The following LRRC4C variants were observed in gnomAD, a reference collection of about 807,000 sequenced individuals.
The protein encoded by LRRC4C is leucine rich repeat containing 4C.
LRRC4C carries 5 observed loss-of-function variants against 33.6 expected under a neutral mutation model. The ratio of observed to expected loss-of-function variants is 0.15; its 90% confidence interval spans 0.08 to 0.31. LRRC4C has a LOEUF of 0.31. Ranked by LOEUF, LRRC4C falls within the 10% of genes least tolerant of loss-of-function variation. LRRC4C has a pLI of 1.00. For missense variants in LRRC4C, 560 were observed against 796.7 expected, an observed-to-expected ratio of 0.70 and a Z score of 3.58; for synonymous variants, 329 against 302.0, an observed-to-expected ratio of 1.09 and a Z score of -0.93.
At chr11:40,798,688 G>A (rs1425350347) in intron 2 of LRRC4C, among the ~76,000 whole-genome samples, 1 of 148,338 alleles carries the variant, frequency 6.7e-6, no homozygotes, top group Non-Finnish European at 1.5e-5. Context: ...TTGCTGCCCA[G>A]GCTGGAGTAC....
rs1301725925 is a variant in LRRC4C, at chr11:40,192,276, C to A, written c.-96+49243G>T. ...TTTTCCAGTGAGGTACCTGGTTCAT[C>A]CCACTGGGACGGGTTAGATAGTGGG... On this transcript the variant is annotated intron_variant, in intron 5 of 6. Transcript: ENST00000528697. 1.3e-5 allele frequency among the ~76,000 whole-genome samples: 2 copies of A among 151,996 alleles called. 1 individual carries two copies. Among genetic ancestry groups the A allele is most frequent in the Non-Finnish European group, 2.9e-5 (2 of 68,004 alleles).
intron 2 of LRRC4C, among the ~76,000 whole-genome samples, chr11:40,919,322 CT>C: frequency 6.6e-6 from 1 of 152,196 alleles, no homozygotes; most frequent in East Asian, 1.9e-4. Flanking sequence ...GCATGTAAAT[CT>C]TTTTTAAGCC....
intron 1 of LRRC4C, among the ~76,000 whole-genome samples, chr11:41,411,639 A>G (rs974472204): frequency 2.6e-5 from 4 of 152,226 alleles, no homozygotes; most frequent in African/African-American, 9.6e-5. Flanking sequence ...GTCCTCAAAT[A>G]ACATTGTTTT....
chr11:41,224,161 A>T (rs972100826), intron 1 of LRRC4C, among the ~76,000 whole-genome samples: 3 of 152,218 alleles, frequency 2.0e-5, no homozygotes, highest in Non-Finnish European at 4.4e-5. Context: ...GGATTAAATT[A>T]ATAAGAGAGA....
intron 3 of LRRC4C, among the ~76,000 whole-genome samples, chr11:40,372,443 G>T (rs1948490936): frequency 6.6e-6 from 1 of 152,184 alleles, no homozygotes; most frequent in South Asian, 2.1e-4. Flanking sequence ...ACAGTTCCTT[G>T]CTTTTAAAAG....
At chr11:40,988,713 CTTTTTTT>C (rs869034558) in intron 1 of LRRC4C, among the ~76,000 whole-genome samples, 3 of 57,752 alleles carry the variant, frequency 5.2e-5, no homozygotes, top group Non-Finnish European at 1.2e-4. Flanking sequence ...CTTTTCTTTT[CTTTTTTT>C]TTTTTTTTTT....
intron 2 of LRRC4C, among the ~76,000 whole-genome samples, chr11:40,921,733 C>T (rs77147827): frequency 0.059 from 8,940 of 152,220 alleles, 381 homozygotes; most frequent in Admixed American, 0.15. Flanking sequence ...TCACCTCAAA[C>T]ATTTATCTTT....
Position 40,624,507 on chromosome 11 carries a change from T to C in LRRC4C, c.-270+23635A>G, listed in dbSNP as rs187300753. Among the ~76,000 whole-genome samples, 69 of 152,234 alleles carry C rather than the reference T, an allele frequency of 4.5e-4. No homozygotes were observed. In the East Asian group the frequency reaches 0.011, roughly 25 times the overall value. ...CAATCATTGATAGATACCAAGTCAG[T>C]CTTAATGTGCCCCAAATGGTTTCTC... is the stretch of plus-strand genomic sequence containing the variant. On this transcript the variant is annotated intron_variant, in intron 3 of 6. Coordinates refer to ENST00000528697, the MANE Select transcript of LRRC4C (RefSeq NM_001258419.2).
intron 2 of LRRC4C, among the ~76,000 whole-genome samples, chr11:40,791,129 A>G (rs1310222973): frequency 6.6e-6 from 1 of 152,162 alleles, no homozygotes; most frequent in African/African-American, 2.4e-5. Context: ...CCTCTTCCAG[A>G]GGTGCTCATG....
intron 1 of LRRC4C, among the ~76,000 whole-genome samples, chr11:40,935,908 G>C (rs1957860135): frequency 6.7e-6 from 1 of 149,892 alleles, no homozygotes; most frequent in Non-Finnish European, 1.5e-5. Context: ...CTATAAACTA[G>C]AGTAATAACA....
chr11:40,973,015 T>G (rs1335035448), intron 1 of LRRC4C, among the ~76,000 whole-genome samples: 3 of 152,134 alleles, frequency 2.0e-5, no homozygotes, highest in Non-Finnish European at 4.4e-5. Context: ...GAGACCTGAT[T>G]GTTTAAAAGT....
intron 3 of LRRC4C, among the ~76,000 whole-genome samples, chr11:40,464,261 T>C (rs1952547347): frequency 6.6e-6 from 1 of 151,398 alleles, no homozygotes; most frequent in Admixed American, 6.6e-5. Context: ...AGGAAAAAAA[T>C]TGATAAAATT....
chr11:40,987,165 G>A (rs1033388009), intron 1 of LRRC4C, among the ~76,000 whole-genome samples: 5 of 152,048 alleles, frequency 3.3e-5, no homozygotes, highest in African/African-American at 9.7e-5. Flanking sequence ...CTAGTCTTTG[G>A]TACAAGTGGG....
chr11:40,805,208 T>C (rs893455670), intron 2 of LRRC4C, among the ~76,000 whole-genome samples: 4 of 152,158 alleles, frequency 2.6e-5, no homozygotes, highest in Admixed American at 1.3e-4. Context: ...GTTTGCTGAG[T>C]GGCTGAGATT....
chr11:41,130,725 A>G (rs192097872), intron 1 of LRRC4C, among the ~76,000 whole-genome samples: 2 of 152,172 alleles, frequency 1.3e-5, no homozygotes, highest in Admixed American at 6.6e-5. Flanking sequence ...GTATGAATTT[A>G]CCAGCTGCAT....
At chr11:40,421,337 C>T (rs1486424997) in intron 3 of LRRC4C, among the ~76,000 whole-genome samples, 1 of 152,202 alleles carries the variant, frequency 6.6e-6, no homozygotes. Flanking sequence ...GTCAAAGTCA[C>T]TGGGCTCTGG....
chr11:40,488,781 A>G (rs1291276127), intron 3 of LRRC4C, among the ~76,000 whole-genome samples: 1 of 152,104 alleles, frequency 6.6e-6, no homozygotes, highest in African/African-American at 2.4e-5. Context: ...ATCTTTAACT[A>G]GAGCTTTCTA....
rs368789983 is a variant in LRRC4C at position 40,115,753 on chromosome 11, C to T, written c.540G>A (p.Gly180=). Residue 180 remains glycine, a synonymous_variant, in exon 7 of 7, where the codon GGG becomes GGA. Coordinates refer to ENST00000528697, the MANE Select transcript of LRRC4C (RefSeq NM_001258419.2). This position sits in a 1 kb window ranked among gnomAD's most constrained non-coding sequence, Gnocchi z 6.7. ...AGATGTATGAAAGTCTTTTCAATTC[C>T]CCTAAGTCTAGTCGGCGCAAAGAAG... The part of the protein sequence containing the change: ...RIPSLRRLDL[G]ELKRLSYISE... 1.2e-6 allele frequency: 2 copies of T among 1,613,996 alleles called. No homozygotes were observed. Among genetic ancestry groups the T allele is most frequent in the African/African-American group, 1.3e-5 (1 of 74,894 alleles).
rs182031701 is a variant in LRRC4C, at chr11:40,214,818, C to T, written c.-96+26701G>A. 1.8e-4 allele frequency among the ~76,000 whole-genome samples: 28 copies of T among 152,284 alleles called. No individual in the cohort carries two copies. In the East Asian group the frequency reaches 4.8e-3, roughly 26 times the overall value. On this transcript the variant is annotated intron_variant, in intron 5 of 6. Transcript: ENST00000528697. ...ATGGTGGCCCAGGCAGACTAATTCA[C>T]TCCAAAGGTTTTCTTTGCCCTTTTT...
Sources: allele counts gnomAD v4.1 joint callset (sites outside exome capture counted in the v4.1 genomes callset), GRCh38; gene constraint gnomAD v4.1.1; non-coding constraint Gnocchi (gnomAD v3.1); transcripts MANE v1.5; gene names NCBI Gene and HGNC (gene_info 2026-07-23, HGNC 2026-07-21).